DRC11: variants seen among roughly 807,000 people sequenced by gnomAD.
DRC11 encodes IQ and AAA domain-containing protein 1.
chr2:236,501,863 C>T, the DRC11 span, among the ~76,000 whole-genome samples: 6 of 152,160 alleles, frequency 3.9e-5, no homozygotes, highest in Admixed American at 3.3e-4. Flanking sequence ...ACTTAGAAAA[C>T]AGACTGCAGC....
At chr2:236,357,167 TC>T in the DRC11 span, among the ~76,000 whole-genome samples, 7,374 of 107,036 alleles carry the variant, frequency 0.069, 940 homozygotes, top group Non-Finnish European at 0.09. Context: ...TTCATATATA[TC>T]TATATATTAT....
chr2:236,415,823 G>T, the DRC11 span, among the ~76,000 whole-genome samples: 1 of 152,254 alleles, frequency 6.6e-6, no homozygotes, highest in East Asian at 1.9e-4. The surrounding 1 kb of genome is among the most constrained non-coding windows in gnomAD (Gnocchi z 5.7). Context: ...CACTAACAGC[G>T]AATTTTTAAT....
At chr2:236,434,268 A>G in the DRC11 span, among the ~76,000 whole-genome samples, 7 of 152,204 alleles carry the variant, frequency 4.6e-5, no homozygotes, top group Admixed American at 4.6e-4. The surrounding 1 kb of genome is among the most constrained non-coding windows in gnomAD (Gnocchi z 5.5). Context: ...CGTTTCATAA[A>G]AAGTATTTGT....
the DRC11 span, among the ~76,000 whole-genome samples, chr2:236,354,681 C>T: frequency 2.5e-3 from 386 of 152,274 alleles, 1 homozygote; most frequent in Middle Eastern, 0.01. Context: ...ACCCTGGTCC[C>T]GCCTTGTCCC....
the DRC11 span, among the ~76,000 whole-genome samples, chr2:236,357,154 G>GTATTCGTATATATCTGTATATTATA: frequency 1.4e-5 from 1 of 72,444 alleles, no homozygotes; most frequent in Admixed American, 1.4e-4. Flanking sequence ...TATATATTAT[G>GTATTCGTATATATCTGTATATTATA]TATTCATATA....
At chr2:236,488,125 G>A in the DRC11 span, 19 of 1,610,526 alleles carry the variant, frequency 1.2e-5, no homozygotes, top group Middle Eastern at 1.6e-4. Context: ...CGACCTTGCC[G>A]TGCCCTCTCA....
the DRC11 span, among the ~76,000 whole-genome samples, chr2:236,346,924 G>A: frequency 1.4e-3 from 211 of 152,262 alleles, no homozygotes; most frequent in African/African-American, 5.0e-3. Context: ...AGGGACATTC[G>A]ACTGGTAAGG....
chr2:236,345,175 G>A, the DRC11 span, among the ~76,000 whole-genome samples: 83 of 152,072 alleles, frequency 5.5e-4, 1 homozygote, highest in East Asian at 0.016. Context: ...GCAGAGCCCT[G>A]GCTGTAAACG....
chr2:236,354,932 C>T, the DRC11 span, among the ~76,000 whole-genome samples: 194 of 152,340 alleles, frequency 1.3e-3, no homozygotes, highest in African/African-American at 4.6e-3. Flanking sequence ...CCCACGGCAG[C>T]CTCTGACACA....
At chr2:236,387,806 G>T in the DRC11 span, among the ~76,000 whole-genome samples, 3 of 152,092 alleles carry the variant, frequency 2.0e-5, no homozygotes, top group Admixed American at 6.6e-5. Context: ...GGTACCGGTT[G>T]TTCCTTTCCA....
the DRC11 span, among the ~76,000 whole-genome samples, chr2:236,415,488 G>C: frequency 6.6e-6 from 1 of 152,186 alleles, no homozygotes; most frequent in Non-Finnish European, 1.5e-5. The surrounding 1 kb of genome is among the most constrained non-coding windows in gnomAD (Gnocchi z 5.7). Flanking sequence ...GTTGATACCA[G>C]AGTAAGACTT....
chr2:236,437,433 T>A, the DRC11 span, among the ~76,000 whole-genome samples: 1 of 151,508 alleles, frequency 6.6e-6, no homozygotes, highest in African/African-American at 2.4e-5. Flanking sequence ...GCAGCATGAT[T>A]TATAGTCCTT....
the DRC11 span, chr2:236,408,804 A>G: frequency 1.9e-3 from 1,290 of 667,276 alleles, 16 homozygotes; most frequent in African/African-American, 0.021. This position sits in a 1 kb window ranked among gnomAD's most constrained non-coding sequence, Gnocchi z 5.5. Context: ...GGGTTTCCAC[A>G]TAGCCCACAA....
the DRC11 span, among the ~76,000 whole-genome samples, chr2:236,318,728 T>C: frequency 6.6e-6 from 1 of 152,136 alleles, no homozygotes; most frequent in African/African-American, 2.4e-5. This position sits in a 1 kb window ranked among gnomAD's most constrained non-coding sequence, Gnocchi z 7.0. Context: ...CCTGTGTGTG[T>C]GCATGCATGT....
chr2:236,507,243 A>T, the DRC11 span: 2 of 1,613,534 alleles, frequency 1.2e-6, no homozygotes, highest in Non-Finnish European at 1.7e-6. Context: ...TGTGGCTGGG[A>T]GCCCATCACT....
At chr2:236,437,501 C>A in the DRC11 span, among the ~76,000 whole-genome samples, 5 of 151,748 alleles carry the variant, frequency 3.3e-5, no homozygotes, top group East Asian at 7.8e-4. Flanking sequence ...GTTCTAGATC[C>A]CTGAGGCATC....
At chr2:236,459,458 G>C in the DRC11 span, among the ~76,000 whole-genome samples, 11 of 148,138 alleles carry the variant, frequency 7.4e-5, no homozygotes, top group African/African-American at 2.7e-4. Context: ...ATTGGAGAAA[G>C]AATTCCTAAA....
chr2:236,350,347 G>C, the DRC11 span, among the ~76,000 whole-genome samples: 8 of 152,184 alleles, frequency 5.3e-5, no homozygotes, highest in Non-Finnish European at 1.2e-4. The surrounding 1 kb of genome is among the most constrained non-coding windows in gnomAD (Gnocchi z 5.2). Context: ...GGGCACACAG[G>C]GTTGTACAGG....
chr2:236,446,200 G>A, the DRC11 span, among the ~76,000 whole-genome samples: 2 of 152,096 alleles, frequency 1.3e-5, no homozygotes, highest in South Asian at 2.1e-4. The surrounding 1 kb of genome is among the most constrained non-coding windows in gnomAD (Gnocchi z 6.2). Flanking sequence ...AGGCACAGTC[G>A]GTCCCGCTCC....
Sources: allele counts gnomAD v4.1 joint callset (sites outside exome capture counted in the v4.1 genomes callset), GRCh38; gene constraint gnomAD v4.1.1; non-coding constraint Gnocchi (gnomAD v3.1); transcripts MANE v1.5; gene names NCBI Gene and HGNC (gene_info 2026-07-23, HGNC 2026-07-21).